Variants in BLNK observed in about 807,000 individuals in gnomAD.
The protein encoded by BLNK is B cell linker, also known as B-cell linker protein.
Under a neutral mutation model 73.5 loss-of-function variants are expected in BLNK, and 29 were observed. The observed-to-expected ratio is 0.39, with a 90% CI of 0.29 to 0.54. The LOEUF (loss-of-function observed/expected upper bound fraction) is 0.54, where lower values mean the gene tolerates loss of function less well. Among genes scored for constraint, BLNK ranks in the 20% least tolerant of loss-of-function variants. The probability of loss-of-function intolerance (pLI) is 0.61; values close to 1 mark genes in which losing one functional copy is unlikely to be tolerated. For missense variants in BLNK, 460 were observed against 562.8 expected, an observed-to-expected ratio of 0.82 and a Z score of 1.85; for synonymous variants, 176 against 200.8, an observed-to-expected ratio of 0.88 and a Z score of 1.04.
At chr10:96,260,149 C>T (rs3789934) in intron 1 of BLNK, among the ~76,000 whole-genome samples, 134,130 of 152,160 alleles carry the variant, frequency 0.88, 59,778 homozygotes, top group Middle Eastern at 0.96. Context: ...AACTTCCTCA[C>T]AAAACTACAT....
intron 8 of BLNK, among the ~76,000 whole-genome samples, chr10:96,214,997 A>G (rs1453819865): frequency 6.6e-6 from 1 of 152,146 alleles, no homozygotes; most frequent in Non-Finnish European, 1.5e-5. Flanking sequence ...GCTTGTAACC[A>G]TCATGATGTT....
At chr10:96,244,823 A>C (rs1842991104) in intron 2 of BLNK, among the ~76,000 whole-genome samples, 1 of 152,160 alleles carries the variant, frequency 6.6e-6, no homozygotes. Context: ...TGTAAATATG[A>C]CTGGCTATGG....
intron 1 of BLNK, among the ~76,000 whole-genome samples, chr10:96,254,616 T>C (rs2134116638): frequency 6.6e-6 from 1 of 152,284 alleles, no homozygotes; most frequent in East Asian, 1.9e-4. Context: ...GTTCAAGTGA[T>C]TCTCCTACCT....
chr10:96,247,555 G>T (rs1554907952), intron 1 of BLNK, among the ~76,000 whole-genome samples: 4 of 152,180 alleles, frequency 2.6e-5, no homozygotes, highest in African/African-American at 7.2e-5. Flanking sequence ...TGAGGCAGGA[G>T]AATAGGGTCT....
At chr10:96,265,692 A>T (rs1422292197) in intron 1 of BLNK, among the ~76,000 whole-genome samples, 1 of 152,250 alleles carries the variant, frequency 6.6e-6, no homozygotes, top group Admixed American at 6.5e-5. Context: ...TGTATTGCCT[A>T]TTCTGAACTT....
chr10:96,271,055 G>A (rs1844247806), intron 1 of BLNK, among the ~76,000 whole-genome samples: 2 of 152,212 alleles, frequency 1.3e-5, no homozygotes, highest in African/African-American at 4.8e-5. Context: ...ACCTTCAGTA[G>A]AATCTAAGCC....
intron 5 of BLNK, among the ~76,000 whole-genome samples, chr10:96,225,804 G>A (rs983844266): frequency 7.9e-5 from 12 of 151,962 alleles, no homozygotes; most frequent in Non-Finnish European, 1.3e-4. Flanking sequence ...CACCATGCCC[G>A]GCTAATTTTT....
intron 5 of BLNK, among the ~76,000 whole-genome samples, chr10:96,224,501 G>T (rs1055206217): frequency 3.3e-5 from 5 of 152,200 alleles, no homozygotes; most frequent in African/African-American, 9.6e-5. Context: ...CAGTGATTTC[G>T]CTCCATTCAC....
chr10:96,255,798 C>T (rs538446582), intron 1 of BLNK, among the ~76,000 whole-genome samples: 3 of 152,162 alleles, frequency 2.0e-5, no homozygotes, highest in Admixed American at 6.5e-5. Context: ...GCCCTCCCAT[C>T]CATGCTGTGA....
chr10:96,259,077 C>T (rs1554911952), intron 1 of BLNK, among the ~76,000 whole-genome samples: 1 of 152,158 alleles, frequency 6.6e-6, no homozygotes, highest in Non-Finnish European at 1.5e-5. Context: ...TGCTCTCAAC[C>T]CACTCTGGAT....
At chr10:96,261,197 C>G (rs147309860) in intron 1 of BLNK, among the ~76,000 whole-genome samples, 1 of 152,238 alleles carries the variant, frequency 6.6e-6, no homozygotes, top group Non-Finnish European at 1.5e-5. Flanking sequence ...CCAAAATACA[C>G]TCATTTATGG....
At chr10:96,204,461 A>G in intron 12 of BLNK, 71 bp downstream of exon 12, 2 of 1,479,210 alleles carry the variant, frequency 1.4e-6, no homozygotes, top group Non-Finnish European at 1.9e-6. Context: ...GTCACTGTGC[A>G]GTGAAACAAT....
chr10:96,263,707 A>G (rs1262183669), intron 1 of BLNK, among the ~76,000 whole-genome samples: 2 of 152,194 alleles, frequency 1.3e-5, no homozygotes, highest in African/African-American at 4.8e-5. Flanking sequence ...TTTTGGAACA[A>G]AGCACAGGGA....
In BLNK at chr10:96,200,188, G is replaced by A. The variant is rs782766509; in HGVS notation, c.1012-30C>T. On this transcript the variant is annotated intron_variant, in intron 14 of 16. Transcript: ENST00000224337. The surrounding 1 kb of genome is among the most constrained non-coding windows in gnomAD (Gnocchi z 4.3). Reference sequence around the variant, plus strand: ...GAAATGGAGGGCACTGGTCAGCATGGGATGGTCCCTACTTAACTCTAATTT... The same window carrying A: ...GAAATGGAGGGCACTGGTCAGCATGAGATGGTCCCTACTTAACTCTAATTT... The A allele has an allele frequency of 1.4e-5, 23 of 1,592,416 alleles. No individual in the cohort carries two copies. Among genetic ancestry groups the A allele is most frequent in the Middle Eastern group, 1.7e-4 (1 of 6,046 alleles).
At chr10:96,237,148 A>C (rs1041626033) in intron 3 of BLNK, among the ~76,000 whole-genome samples, 1 of 152,234 alleles carries the variant, frequency 6.6e-6, no homozygotes, top group Admixed American at 6.5e-5. Context: ...ATGTCAGCGT[A>C]AGACCAGTAC....
Position 96,223,922 on chromosome 10 carries a change from A to G in BLNK, c.429T>C (p.Pro143=), listed in dbSNP as rs200467231. 1.2e-6 allele frequency: 2 copies of G among 1,613,608 alleles called. No individual in the cohort carries two copies. The highest frequency in any genetic ancestry group is 2.2e-5 in the South Asian group (2 of 91,046). ...TGGAGGTGAGCCTTGCTTTCTCTGA[A>G]GGCCAGCTGGGCTTACTGGGAAGTG... ...SKTLPSKPSW[P]SEKARLTSTL... The change falls in exon 6 of 17, where the codon CCT becomes CCC. Residue 143 remains proline (P), a synonymous_variant. Transcript: ENST00000224337.
chr10:96,259,565 T>C (rs1843655549), intron 1 of BLNK, among the ~76,000 whole-genome samples: 1 of 151,850 alleles, frequency 6.6e-6, no homozygotes. Context: ...GGAGGGGCTG[T>C]GTTCCCTTAC....
Position 96,203,125 on chromosome 10 carries a change from C to T in BLNK, c.934+932G>A, listed in dbSNP as rs955904885. ...AGGGTCTTTATTTGTTTCGTTCATC[C>T]TTGTATCTCCTGTGCCTAGAACAAT... On this transcript the variant is annotated intron_variant, in intron 13 of 16. Coordinates refer to ENST00000224337, the MANE Select transcript of BLNK (RefSeq NM_013314.4). Among the ~76,000 whole-genome samples the T allele has an allele frequency of 5.9e-5, 9 of 152,122 alleles. 1 individual carries two copies. Among genetic ancestry groups the T allele is most frequent in the Admixed American group, 2.0e-4 (3 of 15,284 alleles).
At chr10:96,247,355 A>G (rs1261868242) in intron 1 of BLNK, among the ~76,000 whole-genome samples, 1 of 152,210 alleles carries the variant, frequency 6.6e-6, no homozygotes, top group African/African-American at 2.4e-5. Context: ...CATCTACGTT[A>G]CGAAGATAGA....
Sources: gnomAD v4.1 joint callset for allele counts (sites outside exome capture counted in the v4.1 genomes callset) on GRCh38, gnomAD v4.1.1 for gene constraint, Gnocchi (gnomAD v3.1) non-coding constraint, MANE v1.5 for transcripts, NCBI Gene and HGNC (gene_info 2026-07-23, HGNC 2026-07-21) for gene names.